Variants in SNTG1 observed in about 807,000 individuals in gnomAD.
SNTG1 encodes the protein syntrophin gamma 1, also known as gamma-1-syntrophin.
A neutral mutation model predicts 74.7 loss-of-function variants in SNTG1; 39 were observed. That is an observed-to-expected ratio of 0.52 (90% CI 0.40 to 0.68). The LOEUF is 0.68. Ranked by LOEUF, SNTG1 falls within the 30% of genes least tolerant of loss-of-function variation. SNTG1 has a pLI of 0.00. For synonymous variants in SNTG1, 254 were observed against 217.1 expected (o/e 1.17, Z -1.49); for missense variants, 685 against 609.5 (o/e 1.12, Z -1.30).
chr8:50,080,286 C>T (rs1377744975), intron 1 of SNTG1, among the ~76,000 whole-genome samples: 1 of 152,110 alleles, frequency 6.6e-6, no homozygotes, highest in African/African-American at 2.4e-5. Flanking sequence ...TAGGCAAATT[C>T]TCTGATGGAT....
rs543531949 is a variant in SNTG1 at position 50,383,576 on chromosome 8, G to A, written c.-27-10636G>A. Among the ~76,000 whole-genome samples the A allele has an allele frequency of 1.6e-3, 250 of 152,216 alleles. 1 individual carries two copies. The highest frequency in any genetic ancestry group is 5.7e-3 in the African/African-American group (238 of 41,536). On this transcript the variant is annotated intron_variant, in intron 2 of 18. Transcript: ENST00000642720. ...GTGGTGGTAGTTGGTAGTAATAACC[G>A]CCTTTTTCCACTACCCATTCCTTAT...
At chr8:50,589,734 A>G (rs1028077712) in intron 12 of SNTG1, among the ~76,000 whole-genome samples, 5 of 152,206 alleles carry the variant, frequency 3.3e-5, no homozygotes, top group African/African-American at 9.6e-5. Flanking sequence ...CAAAGTACTC[A>G]GTATAGATTT....
intron 2 of SNTG1, among the ~76,000 whole-genome samples, chr8:50,253,745 A>G (rs1405133418): frequency 6.6e-6 from 1 of 152,126 alleles, no homozygotes; most frequent in Non-Finnish European, 1.5e-5. Context: ...TGTAGAAAAG[A>G]ATGAAATCTT....
intron 1 of SNTG1, among the ~76,000 whole-genome samples, chr8:50,169,446 A>G (rs1281171882): frequency 2.6e-5 from 4 of 152,180 alleles, no homozygotes; most frequent in Non-Finnish European, 5.9e-5. Context: ...ATGCAACTTA[A>G]TATCTTGGAC....
chr8:50,128,744 G>A (rs1410695856), intron 1 of SNTG1, among the ~76,000 whole-genome samples: 4 of 152,088 alleles, frequency 2.6e-5, no homozygotes, highest in African/African-American at 9.7e-5. Flanking sequence ...TTCTCAGCTT[G>A]CAGTTAGTTT....
intron 4 of SNTG1, among the ~76,000 whole-genome samples, chr8:50,425,428 T>C (rs2093150697): frequency 6.6e-6 from 1 of 152,142 alleles, no homozygotes; most frequent in South Asian, 2.1e-4. Flanking sequence ...GAGAATCTAA[T>C]ACCTGATGAT....
At chr8:50,373,991 A>G (rs970064182) in intron 2 of SNTG1, among the ~76,000 whole-genome samples, 1 of 152,190 alleles carries the variant, frequency 6.6e-6, no homozygotes, top group Non-Finnish European at 1.5e-5. Context: ...TGTAGCCTAC[A>G]CAATTTTTTT....
intron 1 of SNTG1, among the ~76,000 whole-genome samples, chr8:50,025,937 T>C (rs766662015): frequency 3.6e-4 from 55 of 152,304 alleles, no homozygotes; most frequent in Admixed American, 3.3e-4. Context: ...TGAGCTTGCA[T>C]GCAGCCAGCA....
At chr8:50,327,561 G>A (rs770589120) in intron 2 of SNTG1, among the ~76,000 whole-genome samples, 6 of 151,930 alleles carry the variant, frequency 3.9e-5, no homozygotes, top group Non-Finnish European at 8.8e-5. Context: ...ATATTTAAGT[G>A]GGTCTATTAT....
At chr8:50,703,479 G>A (rs934048542) in intron 15 of SNTG1, among the ~76,000 whole-genome samples, 6 of 151,932 alleles carry the variant, frequency 3.9e-5, no homozygotes, top group South Asian at 4.2e-4. Flanking sequence ...TAATGATGCC[G>A]TCTTCTGGAT....
chr8:50,136,992 G>A (rs2081495751), intron 1 of SNTG1, among the ~76,000 whole-genome samples: 1 of 151,916 alleles, frequency 6.6e-6, no homozygotes. Flanking sequence ...TGGCCCTGTG[G>A]TACTCTCTGG....
At chr8:50,279,166 A>C (rs2088291927) in intron 2 of SNTG1, among the ~76,000 whole-genome samples, 1 of 152,170 alleles carries the variant, frequency 6.6e-6, no homozygotes, top group South Asian at 2.1e-4. Context: ...TTACAATCTA[A>C]TTGAGAAAAA....
chr8:50,348,903 A>G (rs1201516465), intron 2 of SNTG1, among the ~76,000 whole-genome samples: 1 of 152,184 alleles, frequency 6.6e-6, no homozygotes, highest in Non-Finnish European at 1.5e-5. Flanking sequence ...TTGTAAGAAG[A>G]CATTTCAGTA....
chr8:50,547,725 G>T (rs2094398322), intron 11 of SNTG1, among the ~76,000 whole-genome samples: 1 of 152,046 alleles, frequency 6.6e-6, no homozygotes, highest in Non-Finnish European at 1.5e-5. Flanking sequence ...ATTCTGGTAG[G>T]CTTCAGTCAC....
At chr8:50,710,688 A>C (rs1483230186) in intron 17 of SNTG1, among the ~76,000 whole-genome samples, 2 of 152,228 alleles carry the variant, frequency 1.3e-5, no homozygotes, top group African/African-American at 4.8e-5. Context: ...CTGTATAATA[A>C]GGGAGAAAAT....
intron 8 of SNTG1, chr8:50,490,996 A>T (rs184436568): frequency 7.2e-5 from 11 of 153,370 alleles, no homozygotes; most frequent in African/African-American, 2.4e-4. Flanking sequence ...CATTGCTCAG[A>T]CAAGCTCTGC....
chr8:50,114,694 G>A (rs932167525), intron 1 of SNTG1, among the ~76,000 whole-genome samples: 7 of 152,126 alleles, frequency 4.6e-5, no homozygotes, highest in East Asian at 3.9e-4. Context: ...GTGAAACCCC[G>A]TCTCTACTAA....
At chr8:50,540,068 G>C (rs922827967) in intron 11 of SNTG1, among the ~76,000 whole-genome samples, 28 of 152,234 alleles carry the variant, frequency 1.8e-4, no homozygotes, top group Non-Finnish European at 3.7e-4. Context: ...AGCCATTCAT[G>C]CTTAGCTGTT....
rs924254187 is a variant in SNTG1 at position 50,730,505 on chromosome 8, C to T, written c.1285-21496C>T. Among the ~76,000 whole-genome samples, 4 of 152,034 alleles carry T rather than the reference C, an allele frequency of 2.6e-5. No homozygotes were observed. In the South Asian group the frequency reaches 6.2e-4, roughly 24 times the overall value. Reference sequence around the variant, plus strand: ...ACATGACAAAAGCTTTATGCATTAACGAAGATGAACAAAAAGATTATAGGA... The same window carrying T: ...ACATGACAAAAGCTTTATGCATTAATGAAGATGAACAAAAAGATTATAGGA... On this transcript the variant is annotated intron_variant, in intron 17 of 18. Coordinates refer to ENST00000642720, the MANE Select transcript of SNTG1 (RefSeq NM_018967.5).
Sources: allele counts gnomAD v4.1 joint callset (sites outside exome capture counted in the v4.1 genomes callset), GRCh38; gene constraint gnomAD v4.1.1; transcripts MANE v1.5; gene names NCBI Gene and HGNC (gene_info 2026-07-23, HGNC 2026-07-21).